LURAP1L: variants seen among roughly 807,000 people sequenced by gnomAD.
LURAP1L encodes the protein leucine rich adaptor protein 1 like.
In LURAP1L, 12 loss-of-function variants were observed where a neutral mutation model predicts 13.8. The observed-to-expected ratio is 0.87, with a 90% CI of 0.56 to 1.41. LURAP1L has a LOEUF of 1.41. LURAP1L is among the 40% of genes most tolerant of loss of function. The pLI is 0.00. For missense variants in LURAP1L, 375 were observed against 292.9 expected, an observed-to-expected ratio of 1.28 and a Z score of -2.04; for synonymous variants, 139 against 119.2, an observed-to-expected ratio of 1.17 and a Z score of -1.08.
intron 1 of LURAP1L, among the ~76,000 whole-genome samples, chr9:12,808,940 G>C (rs1271658795): frequency 6.6e-6 from 1 of 152,178 alleles, no homozygotes; most frequent in Non-Finnish European, 1.5e-5. Flanking sequence ...TTTGGCCCAT[G>C]GTTCTGCAGG....
At chr9:12,796,271 T>C (rs997107547) in intron 1 of LURAP1L, among the ~76,000 whole-genome samples, 1 of 152,032 alleles carries the variant, frequency 6.6e-6, no homozygotes, top group African/African-American at 2.4e-5. Flanking sequence ...ACATAAAATA[T>C]AAAGAAGAGT....
intron 1 of LURAP1L, chr9:12,777,596 TC>T (rs1289391943): frequency 1.0e-6 from 1 of 964,034 alleles, no homozygotes; most frequent in African/African-American, 1.8e-5. Context: ...TCTCAGTAGC[TC>T]ACTGATAGCA....
At chr9:12,800,353 T>C (rs1000468702) in intron 1 of LURAP1L, among the ~76,000 whole-genome samples, 1 of 152,188 alleles carries the variant, frequency 6.6e-6, no homozygotes. Flanking sequence ...TTAAGTAACA[T>C]ATCCAACTGA....
intron 1 of LURAP1L, chr9:12,814,383 A>T (rs1819777330): frequency 6.6e-6 from 1 of 152,234 alleles, no homozygotes. Context: ...TCATTAGATC[A>T]TTCTAAATGA....
chr9:12,817,701 G>A (rs972927613), intron 1 of LURAP1L, among the ~76,000 whole-genome samples: 1 of 152,176 alleles, frequency 6.6e-6, no homozygotes, highest in Non-Finnish European at 1.5e-5. Context: ...GCAAGGGCAA[G>A]GCTACTCTAT....
In LURAP1L at chr9:12,800,487, C is replaced by G. The variant is rs185516177; in HGVS notation, c.313-20899C>G. 5.9e-5 allele frequency among the ~76,000 whole-genome samples: 9 copies of G among 151,424 alleles called. No individual in the cohort carries two copies. The South Asian group carries it at 1.0e-3, about 18-fold the overall frequency. On this transcript the variant is annotated intron_variant, in intron 1 of 1. Transcript: ENST00000319264. ...ACTGGGATACCATTTACTACACTGT[C>G]TTCATTATATCAGGAAGTTCATAGG...
intron 1 of LURAP1L, among the ~76,000 whole-genome samples, chr9:12,778,403 G>A (rs1266137003): frequency 1.3e-5 from 2 of 152,148 alleles, no homozygotes; most frequent in Non-Finnish European, 2.9e-5. Flanking sequence ...AGGAATAAGA[G>A]CATCTCCATT....
intron 1 of LURAP1L, among the ~76,000 whole-genome samples, chr9:12,807,509 C>T (rs1179902779): frequency 6.6e-6 from 1 of 152,108 alleles, no homozygotes; most frequent in Non-Finnish European, 1.5e-5. Flanking sequence ...GAATATGATG[C>T]CTTAGTCCTC....
chr9:12,785,432 G>C (rs1286243632), intron 1 of LURAP1L, among the ~76,000 whole-genome samples: 1 of 152,028 alleles, frequency 6.6e-6, no homozygotes, highest in Non-Finnish European at 1.5e-5. Context: ...ACCAGAACTT[G>C]CCTGGGAACT....
rs768615218 is a variant in LURAP1L, at chr9:12,775,947, A to G, written c.232A>G (p.Thr78Ala). Reference sequence around the variant, plus strand: ...GTCGTCCTCCTCTTCGTCCTCCCCAACCTCTGGCTCCCCACGAGGTAGCCA... The same window carrying G: ...GTCGTCCTCCTCTTCGTCCTCCCCAGCCTCTGGCTCCCCACGAGGTAGCCA... ...SLSSSSSSSP[T>A]SGSPRGSHSS... Residue 78 changes from threonine to alanine, a missense_variant, in exon 1 of 2, where the codon ACC (threonine) becomes GCC (alanine). Coordinates refer to ENST00000319264, the MANE Select transcript of LURAP1L (RefSeq NM_203403.2). 14 of 1,586,986 alleles carry G rather than the reference A, an allele frequency of 8.8e-6. No individual in the cohort carries two copies. The highest frequency in any genetic ancestry group is 1.1e-5 in the South Asian group (1 of 87,678).
At chr9:12,788,575 G>A (rs1819395703) in intron 1 of LURAP1L, among the ~76,000 whole-genome samples, 1 of 151,940 alleles carries the variant, frequency 6.6e-6, no homozygotes, top group African/African-American at 2.4e-5. Context: ...GGCCAATAAT[G>A]GCAAATATGT....
chr9:12,803,185 A>C (rs1819610408), intron 1 of LURAP1L, among the ~76,000 whole-genome samples: 1 of 152,074 alleles, frequency 6.6e-6, no homozygotes. Context: ...CCTCTTTGTC[A>C]CTTGTCTTTA....
intron 1 of LURAP1L, among the ~76,000 whole-genome samples, chr9:12,810,961 A>C (rs1819727942): frequency 6.6e-6 from 1 of 152,238 alleles, no homozygotes; most frequent in Non-Finnish European, 1.5e-5. Flanking sequence ...GCAGGTGAAA[A>C]TAAATATTTG....
chr9:12,783,298 A>G (rs1819300809), intron 1 of LURAP1L, among the ~76,000 whole-genome samples: 1 of 152,120 alleles, frequency 6.6e-6, no homozygotes. Flanking sequence ...CTTAGAGGAA[A>G]GCCTTTCAGT....
intron 1 of LURAP1L, among the ~76,000 whole-genome samples, chr9:12,783,083 T>C (rs1384431878): frequency 2.6e-5 from 4 of 152,190 alleles, no homozygotes; most frequent in Admixed American, 2.0e-4. Context: ...TTTACTCAAC[T>C]TATCAGTTCT....
chr9:12,786,951 C>G (rs1182105749), intron 1 of LURAP1L, among the ~76,000 whole-genome samples: 1 of 152,000 alleles, frequency 6.6e-6, no homozygotes, highest in Non-Finnish European at 1.5e-5. Context: ...TCAGATTTTT[C>G]TCTATTTTTG....
At chr9:12,818,490 T>A (rs1447505513) in intron 1 of LURAP1L, among the ~76,000 whole-genome samples, 1 of 152,172 alleles carries the variant, frequency 6.6e-6, no homozygotes, top group Admixed American at 6.5e-5. Context: ...ATGTGAGACA[T>A]GGCTTCTTTC....
At chr9:12,789,718 T>C (rs146604628) in intron 1 of LURAP1L, among the ~76,000 whole-genome samples, 5 of 152,296 alleles carry the variant, frequency 3.3e-5, no homozygotes, top group African/African-American at 1.2e-4. Context: ...AGTTTCTTCA[T>C]AGGGCATATG....
Position 12,775,617 on chromosome 9 carries a change from G to A in LURAP1L, c.-99G>A. ...GGAGCGGCGGAGGATAGAGACCCTG[G>A]CCCCCGGAGAGGTCTGCTGATTTCG... On this transcript the variant is annotated 5_prime_UTR_variant, in exon 1 of 2. Transcript: ENST00000319264. 6.8e-7 allele frequency: 1 copy of A among 1,470,898 alleles called. No individual in the cohort carries two copies. The highest frequency in any genetic ancestry group is 9.0e-7 in the Non-Finnish European group (1 of 1,112,622). The allele number at this position is 1,470,898 out of a possible 1,614,324, so 91.1% of individuals were successfully genotyped here.
Sources: allele counts gnomAD v4.1 joint callset (sites outside exome capture counted in the v4.1 genomes callset), GRCh38; gene constraint gnomAD v4.1.1; transcripts MANE v1.5; gene names NCBI Gene and HGNC (gene_info 2026-07-23, HGNC 2026-07-21).